Variants in LONP2 observed in about 807,000 individuals in gnomAD.
LONP2 encodes lon protease homolog 2, peroxisomal.
A neutral mutation model predicts 85.6 loss-of-function variants in LONP2; 60 were observed. That is an observed-to-expected ratio of 0.70 (90% CI 0.57 to 0.87). LONP2 has a LOEUF of 0.87. Ranked by LOEUF, LONP2 falls within the 40% of genes least tolerant of loss-of-function variation. The probability of loss-of-function intolerance (pLI) is 0.00; values close to 1 mark genes in which losing one functional copy is unlikely to be tolerated. For missense variants in LONP2, 860 were observed against 1,063.5 expected, an observed-to-expected ratio of 0.81 and a Z score of 2.66; for synonymous variants, 395 against 389.7, an observed-to-expected ratio of 1.01 and a Z score of -0.16.
chr16:48,304,794 C>T (rs538997360), intron 11 of LONP2, among the ~76,000 whole-genome samples: 1 of 152,308 alleles, frequency 6.6e-6, no homozygotes, highest in African/African-American at 2.4e-5. Flanking sequence ...TGCTGTTATG[C>T]AGTTTGCCAA....
chr16:48,347,476 A>C (rs776451633), intron 12 of LONP2, 31 bp from the exon 13 acceptor site: 2 of 1,612,522 alleles, frequency 1.2e-6, no homozygotes, highest in Non-Finnish European at 8.5e-7. Context: ...GCATTTGCCA[A>C]CCCAACTCTG....
intron 11 of LONP2, among the ~76,000 whole-genome samples, chr16:48,326,469 A>G (rs1959241260): frequency 6.6e-6 from 1 of 152,144 alleles, no homozygotes; most frequent in South Asian, 2.1e-4. Flanking sequence ...GCATAGTACT[A>G]TTATGCTTCA....
intron 9 of LONP2, among the ~76,000 whole-genome samples, chr16:48,299,094 G>A (rs1972741772): frequency 6.6e-6 from 1 of 151,676 alleles, no homozygotes. Flanking sequence ...GTTTCGCCAT[G>A]TTGCCCAGGC....
In LONP2 at chr16:48,351,837, G is replaced by A; in HGVS notation, c.*35G>A. On this transcript the variant is annotated 3_prime_UTR_variant, in exon 15 of 15. Coordinates refer to ENST00000285737, the MANE Select transcript of LONP2 (RefSeq NM_031490.5). Reference sequence around the variant, plus strand: ...TCAATTTTTTAGAATTTTAAGTTATGAAGTGCTCAAAGGTACTGACACAGT... The same window carrying A: ...TCAATTTTTTAGAATTTTAAGTTATAAAGTGCTCAAAGGTACTGACACAGT... 1 of 1,557,104 alleles carries A rather than the reference G, an allele frequency of 6.4e-7. No individual in the cohort carries two copies. Among genetic ancestry groups the A allele is most frequent in the Non-Finnish European group, 8.8e-7 (1 of 1,130,314 alleles).
At chr16:48,314,838 A>AT (rs1973109037) in intron 11 of LONP2, among the ~76,000 whole-genome samples, 1 of 152,194 alleles carries the variant, frequency 6.6e-6, no homozygotes, top group Non-Finnish European at 1.5e-5. Context: ...ACAATGCAAT[A>AT]TTGGCCTCCT....
Position 48,362,774 on chromosome 16 carries a change from C to A in LONP2, c.*911C>A. 1 of 223,924 alleles carries A rather than the reference C, an allele frequency of 4.5e-6. No individual in the cohort carries two copies. The allele number at this position is 223,924 out of a possible 1,614,324, so 13.9% of individuals were successfully genotyped here. Reference sequence around the variant, plus strand: ...ACTATACAAGGAACTGAAGTTTAATCGAATCCGTTTTGCTAGGACTCTCCC... The same window carrying A: ...ACTATACAAGGAACTGAAGTTTAATAGAATCCGTTTTGCTAGGACTCTCCC... On this transcript the variant is annotated 3_prime_UTR_variant, in exon 5 of 5. Coordinates refer to the LONP2 transcript ENST00000565867. The surrounding 1 kb of genome is among the most constrained non-coding windows in gnomAD (Gnocchi z 4.2).
chr16:48,336,177 A>T (rs1182209298), intron 12 of LONP2, among the ~76,000 whole-genome samples: 1 of 152,218 alleles, frequency 6.6e-6, no homozygotes, highest in Admixed American at 6.5e-5. Context: ...ATTTCTGCTG[A>T]TGTTAAGTTT....
intron 7 of LONP2, among the ~76,000 whole-genome samples, chr16:48,275,860 A>G (rs1264215392): frequency 6.6e-6 from 1 of 152,142 alleles, no homozygotes; most frequent in African/African-American, 2.4e-5. Context: ...AGTAGAATCT[A>G]GGATTCCAAT....
Position 48,258,598 on chromosome 16 carries a change from A to G in LONP2, c.601-20A>G. ...TGTGTTTCTGAGAGAGATCCTATTG[A>G]TTGACTCACATTTCCTTAGATTTTA... On this transcript the variant is annotated intron_variant, in intron 3 of 14. Transcript: ENST00000285737. 1 of 1,582,334 alleles carries G rather than the reference A, an allele frequency of 6.3e-7. No homozygotes were observed. Among genetic ancestry groups the G allele is most frequent in the South Asian group, 1.2e-5 (1 of 84,940 alleles).
chr16:48,356,835 C>A lies in LONP2; in HGVS notation c.*5033C>A, dbSNP rs1489329148. The A allele has an allele frequency of 1.4e-5, 3 of 207,634 alleles. No homozygotes were observed. The East Asian group carries it at 3.6e-4, about 25-fold the overall frequency. 12.9% of individuals were successfully genotyped at this position (207,634 alleles called of 1,614,324 possible). A position where few individuals can be genotyped will look rare whatever the true frequency, so the allele number is the denominator to read the frequency against. On this transcript the variant is annotated 3_prime_UTR_variant, in exon 15 of 15. Coordinates refer to ENST00000285737, the MANE Select transcript of LONP2 (RefSeq NM_031490.5). ...TGTAGTTTGTACTTAATGACACTGT[C>A]AGCACATTTCTAGGCAATACAAACT...
downstream of LONP2, among the ~76,000 whole-genome samples, chr16:48,358,978 G>A (rs1043380560): frequency 3.3e-5 from 5 of 152,024 alleles, no homozygotes; most frequent in Non-Finnish European, 7.4e-5. Context: ...ATACCTCCAC[G>A]AATATACCCA....
intron 9 of LONP2, 150 bp from the exon 10 acceptor site, chr16:48,299,512 G>T (rs1972754772): frequency 1.5e-6 from 1 of 658,580 alleles, no homozygotes; most frequent in East Asian, 3.3e-5. Flanking sequence ...AACCTGAGAG[G>T]TGGAGGTTGT....
intron 3 of LONP2, among the ~76,000 whole-genome samples, chr16:48,258,327 CAG>C (rs1469083664): frequency 2.2e-5 from 3 of 135,154 alleles, no homozygotes; most frequent in African/African-American, 8.3e-5. Context: ...AACCTGGGGA[CAG>C]AGCAAGATTC....
intron 4 of LONP2, 69 bp from the exon 5 acceptor site, chr16:48,261,355 T>C (rs1219967015): frequency 1.8e-6 from 2 of 1,141,432 alleles, no homozygotes; most frequent in African/African-American, 1.6e-5. Context: ...CATAATCTTA[T>C]GTGTACCTGG....
rs199709682 is a variant in LONP2, at chr16:48,303,266, G to T, written c.1756G>T (p.Glu586Ter). The change falls in exon 11 of 15, where the codon GAA becomes TAA. Residue 586 changes from glutamate (E) to a stop codon, truncating the protein, a stop_gained. Coordinates refer to ENST00000285737, the MANE Select transcript of LONP2 (RefSeq NM_031490.5). LOFTEE classifies it high-confidence loss of function. ...GAAGGTGGCAGAAGGACAGCATAAGGAAGCCAAGTTGGACCGTTCTGATGT... is the reference window on the plus strand; with the variant it reads ...GAAGGTGGCAGAAGGACAGCATAAGTAAGCCAAGTTGGACCGTTCTGATGT... Reference protein sequence around the residue: ...AVKVAEGQHKEAKLDRSDVTE... With the variant: ...AVKVAEGQHK 1.1e-4 allele frequency: 181 copies of T among 1,614,070 alleles called. No individual in the cohort carries two copies. Among genetic ancestry groups the T allele is most frequent in the Non-Finnish European group, 1.3e-4 (159 of 1,180,042 alleles).
downstream of LONP2, among the ~76,000 whole-genome samples, chr16:48,359,553 T>C (rs1044313109): frequency 6.6e-6 from 1 of 151,998 alleles, no homozygotes; most frequent in Non-Finnish European, 1.5e-5. Context: ...CCGTCTCTAC[T>C]AAAAATATAA....
At chr16:48,257,249 T>C (rs992506053) in intron 3 of LONP2, among the ~76,000 whole-genome samples, 10 of 152,140 alleles carry the variant, frequency 6.6e-5, no homozygotes, top group Non-Finnish European at 1.3e-4. Flanking sequence ...AGGCAGAGGC[T>C]GCAGTGAGCC....
In LONP2 at chr16:48,357,338, G is replaced by A. The variant is rs920525214; in HGVS notation, c.*5536G>A. On this transcript the variant is annotated 3_prime_UTR_variant, in exon 15 of 15. Transcript: ENST00000285737. ...TGGTGCCATTTTTAGATAAACGTACGTTTCTTTTGGTAAATTCAGGTTAGG... is the reference window on the plus strand; with the variant it reads ...TGGTGCCATTTTTAGATAAACGTACATTTCTTTTGGTAAATTCAGGTTAGG... The A allele has an allele frequency of 3.3e-5, 5 of 152,142 alleles. No individual in the cohort carries two copies. Among genetic ancestry groups the A allele is most frequent in the African/African-American group, 7.2e-5 (3 of 41,416 alleles). The allele number at this position is 152,142 out of a possible 1,614,324, so 9.4% of individuals were successfully genotyped here.
intron 7 of LONP2, among the ~76,000 whole-genome samples, chr16:48,277,046 C>T (rs1320519925): frequency 2.0e-5 from 3 of 151,980 alleles, no homozygotes; most frequent in Non-Finnish European, 2.9e-5. Context: ...GAGTAAGAAC[C>T]GTAACTGGTG....
Sources: allele counts gnomAD v4.1 joint callset (sites outside exome capture counted in the v4.1 genomes callset), GRCh38; gene constraint gnomAD v4.1.1; non-coding constraint Gnocchi (gnomAD v3.1); transcripts MANE v1.5; gene names NCBI Gene and HGNC (gene_info 2026-07-23, HGNC 2026-07-21).